LRRTM4: variants seen among roughly 807,000 people sequenced by gnomAD.
The protein encoded by LRRTM4 is leucine rich repeat transmembrane neuronal 4, also known as leucine-rich repeat transmembrane neuronal protein 4.
Under a neutral mutation model 47.6 loss-of-function variants are expected in LRRTM4, and 25 were observed. The observed-to-expected ratio is 0.53, with a 90% confidence interval of 0.38 to 0.73. LRRTM4 has a LOEUF of 0.73. Ranked by LOEUF, LRRTM4 falls within the 30% of genes least tolerant of loss-of-function variation. The pLI is 0.00. For missense variants in LRRTM4, 638 were observed against 713.4 expected, an observed-to-expected ratio of 0.89 and a Z score of 1.20; for synonymous variants, 311 against 269.5, an observed-to-expected ratio of 1.15 and a Z score of -1.51.
intron 3 of LRRTM4, among the ~76,000 whole-genome samples, chr2:76,998,458 TAAAC>T (rs1677283723): frequency 6.6e-6 from 1 of 151,942 alleles, no homozygotes; most frequent in African/African-American, 2.4e-5. Flanking sequence ...GAGTGCTGCT[TAAAC>T]AAACAGATCC....
chr2:77,087,907 A>G (rs1680778270), intron 3 of LRRTM4, among the ~76,000 whole-genome samples: 1 of 152,224 alleles, frequency 6.6e-6, no homozygotes, highest in African/African-American at 2.4e-5. Flanking sequence ...ATGCAAATAT[A>G]TGTCTTTGCC....
intron 3 of LRRTM4, among the ~76,000 whole-genome samples, chr2:77,187,229 C>T (rs1192337212): frequency 2.0e-5 from 3 of 152,158 alleles, no homozygotes; most frequent in Admixed American, 1.3e-4. Flanking sequence ...GCCATTGATG[C>T]TACAAAGTTC....
At chr2:77,054,860 G>A (rs1218526463) in intron 3 of LRRTM4, among the ~76,000 whole-genome samples, 2 of 152,140 alleles carry the variant, frequency 1.3e-5, no homozygotes, top group Non-Finnish European at 2.9e-5. Flanking sequence ...AAAATCAGTG[G>A]CTGGAAATAT....
At chr2:77,448,106 A>C (rs1208866553) in intron 3 of LRRTM4, among the ~76,000 whole-genome samples, 1 of 152,172 alleles carries the variant, frequency 6.6e-6, no homozygotes, top group African/African-American at 2.4e-5. Context: ...TCTCTAATTA[A>C]TTTCTTATCC....
intron 3 of LRRTM4, among the ~76,000 whole-genome samples, chr2:76,838,984 T>C (rs956054131): frequency 1.3e-5 from 2 of 152,156 alleles, no homozygotes; most frequent in African/African-American, 2.4e-5. Context: ...GAAATACATG[T>C]GTCTATTTCT....
chr2:76,826,577 TGTAA>T (rs1367400452), intron 3 of LRRTM4, among the ~76,000 whole-genome samples: 3 of 151,750 alleles, frequency 2.0e-5, no homozygotes, highest in African/African-American at 7.2e-5. Flanking sequence ...GAAATTTATC[TGTAA>T]GTGACAGGAT....
At chr2:76,807,901 TTTTC>T (rs1409311127) in intron 3 of LRRTM4, among the ~76,000 whole-genome samples, 1 of 143,948 alleles carries the variant, frequency 6.9e-6, no homozygotes, top group Non-Finnish European at 1.5e-5. Context: ...TCTTCTTTAC[TTTTC>T]TTTCTTTTCT....
At chr2:77,277,011 T>G (rs1430678348) in intron 3 of LRRTM4, among the ~76,000 whole-genome samples, 1 of 151,802 alleles carries the variant, frequency 6.6e-6, no homozygotes, top group African/African-American at 2.4e-5. Context: ...CTATCAGTAT[T>G]CTGTGCTCGC....
At chr2:76,963,683 T>G (rs1254001853) in intron 3 of LRRTM4, among the ~76,000 whole-genome samples, 1 of 150,886 alleles carries the variant, frequency 6.6e-6, no homozygotes, top group African/African-American at 2.4e-5. Context: ...TACTGTTTCA[T>G]ACTGCTTTTC....
chr2:77,522,159 A>G lies in LRRTM4; in HGVS notation c.-198T>C. The G allele has an allele frequency of 1.4e-6, 1 of 715,352 alleles. No homozygotes were observed. The highest frequency in any genetic ancestry group is 1.7e-5 in the African/African-American group (1 of 57,240). 44.3% of individuals were successfully genotyped at this position (715,352 alleles called of 1,614,324 possible). ...TTGCCATTCCCAGATAAAGCAATTCATCCTCTGGATTTTCAGTTCTTGAAG... is the reference window on the plus strand; with the variant it reads ...TTGCCATTCCCAGATAAAGCAATTCGTCCTCTGGATTTTCAGTTCTTGAAG... On this transcript the variant is annotated 5_prime_UTR_variant, in exon 1 of 4. An upstream start codon of the reference 5' UTR is lost. Transcript: ENST00000409884.
intron 3 of LRRTM4, among the ~76,000 whole-genome samples, chr2:77,241,388 C>T (rs958559675): frequency 2.6e-5 from 4 of 151,982 alleles, no homozygotes; most frequent in Admixed American, 1.3e-4. Context: ...CAATGCATAC[C>T]TTGCACTCTA....
intron 3 of LRRTM4, among the ~76,000 whole-genome samples, chr2:77,507,183 C>T (rs1573506633): frequency 6.6e-6 from 1 of 151,998 alleles, no homozygotes; most frequent in East Asian, 1.9e-4. Flanking sequence ...AAATTATACT[C>T]GTTCATATCT....
At chr2:77,192,424 T>TA (rs572180733) in intron 3 of LRRTM4, among the ~76,000 whole-genome samples, 19 of 151,012 alleles carry the variant, frequency 1.3e-4, no homozygotes, top group Non-Finnish European at 1.8e-4. Context: ...CTTCCTAATT[T>TA]AAAAAAAAAT....
At chr2:77,071,414 A>T (rs567398468) in intron 3 of LRRTM4, among the ~76,000 whole-genome samples, 6 of 152,198 alleles carry the variant, frequency 3.9e-5, no homozygotes, top group Non-Finnish European at 7.3e-5. Flanking sequence ...TTGAAAATTT[A>T]TGAGTGATAT....
intron 3 of LRRTM4, among the ~76,000 whole-genome samples, chr2:77,088,527 C>A (rs1680804990): frequency 6.6e-6 from 1 of 151,940 alleles, no homozygotes; most frequent in South Asian, 2.1e-4. Flanking sequence ...TTTTCCTTTA[C>A]CTACCCAAAT....
intron 3 of LRRTM4, among the ~76,000 whole-genome samples, chr2:77,216,947 C>T (rs547980599): frequency 1.3e-4 from 19 of 151,838 alleles, no homozygotes; most frequent in Non-Finnish European, 2.1e-4. Context: ...GTGGAGGGCA[C>T]CTGTAGTCCC....
intron 3 of LRRTM4, among the ~76,000 whole-genome samples, chr2:77,138,548 C>T (rs1433474379): frequency 6.6e-5 from 10 of 152,114 alleles, no homozygotes; most frequent in Non-Finnish European, 1.5e-4. Context: ...AACTTAACAT[C>T]ACAATTAAAA....
intron 3 of LRRTM4, among the ~76,000 whole-genome samples, chr2:77,386,128 T>C (rs1160195455): frequency 7.3e-6 from 1 of 137,316 alleles, no homozygotes; most frequent in African/African-American, 2.8e-5. Context: ...TTATTAAACA[T>C]AATTTCTCAT....
intron 3 of LRRTM4, among the ~76,000 whole-genome samples, chr2:76,879,613 T>G (rs1672872700): frequency 6.6e-6 from 1 of 152,232 alleles, no homozygotes; most frequent in African/African-American, 2.4e-5. Context: ...TTTTCATGCC[T>G]GTTAACTCAG....
Sources: allele counts gnomAD v4.1 joint callset (sites outside exome capture counted in the v4.1 genomes callset), GRCh38; gene constraint gnomAD v4.1.1; transcripts MANE v1.5; gene names NCBI Gene and HGNC (gene_info 2026-07-23, HGNC 2026-07-21).